The following CDH4 variants were observed in gnomAD, a reference collection of about 807,000 sequenced individuals.
CDH4 encodes cadherin-4.
In CDH4, 33 loss-of-function variants were observed where a neutral mutation model predicts 86.0. The ratio of observed to expected loss-of-function variants is 0.38; its 90% CI spans 0.29 to 0.51. CDH4 has a LOEUF of 0.51. CDH4 is among the 20% of genes least tolerant of loss of function. The pLI is 0.86. For missense variants in CDH4, 1,114 were observed against 1,307.4 expected, an observed-to-expected ratio of 0.85 and a Z score of 2.28; for synonymous variants, 555 against 549.4, an observed-to-expected ratio of 1.01 and a Z score of -0.14.
intron 2 of CDH4, among the ~76,000 whole-genome samples, chr20:61,523,400 C>T (rs532617787): frequency 1.1e-4 from 16 of 152,352 alleles, no homozygotes; most frequent in East Asian, 5.8e-4. Flanking sequence ...GCGTGCTCCT[C>T]GCACGCACAG....
At chr20:61,549,546 A>T (rs1354690785) in intron 2 of CDH4, among the ~76,000 whole-genome samples, 1 of 152,230 alleles carries the variant, frequency 6.6e-6, no homozygotes, top group Non-Finnish European at 1.5e-5. Context: ...CTTTGTGTAC[A>T]AAGTTTTCAG....
chr20:61,819,393 C>T (rs948829733), intron 4 of CDH4, among the ~76,000 whole-genome samples: 5 of 150,992 alleles, frequency 3.3e-5, no homozygotes, highest in African/African-American at 1.2e-4. Context: ...GCCCCGGGAG[C>T]GTTCCATGCA....
chr20:61,368,271 T>G (rs566412060), intron 2 of CDH4, among the ~76,000 whole-genome samples: 5 of 152,322 alleles, frequency 3.3e-5, no homozygotes, highest in African/African-American at 9.6e-5. Flanking sequence ...TTTATGTTCC[T>G]GTGTTGAAAT....
chr20:61,683,558 G>T (rs1045231389), intron 2 of CDH4, among the ~76,000 whole-genome samples: 1 of 152,190 alleles, frequency 6.6e-6, no homozygotes, highest in Non-Finnish European at 1.5e-5. Flanking sequence ...CAAACTGCAC[G>T]CATCTGCTTC....
chr20:61,372,157 C>T (rs890657142), intron 2 of CDH4, among the ~76,000 whole-genome samples: 1 of 152,178 alleles, frequency 6.6e-6, no homozygotes, highest in Non-Finnish European at 1.5e-5. Flanking sequence ...AGCGTGTGAC[C>T]TGTGTGGATG....
At chr20:61,464,047 A>G (rs894119329) in intron 2 of CDH4, among the ~76,000 whole-genome samples, 1 of 152,196 alleles carries the variant, frequency 6.6e-6, no homozygotes, top group Non-Finnish European at 1.5e-5. Flanking sequence ...GTGCATAATA[A>G]TGCAGTCACT....
At chr20:61,865,300 G>T (rs1323476240) in intron 6 of CDH4, among the ~76,000 whole-genome samples, 4 of 152,134 alleles carry the variant, frequency 2.6e-5, no homozygotes, top group Admixed American at 6.5e-5. Context: ...TGACTTCTTG[G>T]AATGGTTTAT....
chr20:61,890,270 G>T (rs114254844), intron 7 of CDH4, among the ~76,000 whole-genome samples: 4,377 of 151,902 alleles, frequency 0.029, 110 homozygotes, highest in African/African-American at 0.073. Context: ...GATAATGGAT[G>T]GGTAAGTAGA....
Position 61,509,139 on chromosome 20 carries a change from C to T in CDH4, c.170-234424C>T, listed in dbSNP as rs575590741. ...GACCCAGGCACAAAGGCCGTGGCAT[C>T]CTGCAGCAGGAGAGCCAGCTGCCTG... On this transcript the variant is annotated intron_variant, in intron 2 of 15. Transcript: ENST00000614565. Among the ~76,000 whole-genome samples the T allele has an allele frequency of 5.9e-5, 9 of 152,226 alleles. No individual in the cohort carries two copies. In the South Asian group the frequency reaches 1.9e-3, roughly 32 times the overall value.
chr20:61,772,462 C>T (rs2088785943), intron 3 of CDH4, among the ~76,000 whole-genome samples: 1 of 151,994 alleles, frequency 6.6e-6, no homozygotes, highest in South Asian at 2.1e-4. Context: ...ATTTGTTTTG[C>T]TGTGAATTAT....
chr20:61,352,880 G>A (rs1017520944), intron 2 of CDH4, among the ~76,000 whole-genome samples: 2 of 152,092 alleles, frequency 1.3e-5, no homozygotes, highest in South Asian at 2.1e-4. Flanking sequence ...GAGACGCTGC[G>A]GACAAGGAGT....
At chr20:61,654,436 TGGGGAG>T (rs1600844067) in intron 2 of CDH4, among the ~76,000 whole-genome samples, 3 of 152,084 alleles carry the variant, frequency 2.0e-5, no homozygotes, top group African/African-American at 2.4e-5. Context: ...AGGGAGACCG[TGGGGAG>T]AGGGAGAGGG....
At chr20:61,733,353 GC>G (rs575868730) in intron 2 of CDH4, among the ~76,000 whole-genome samples, 311 of 152,194 alleles carry the variant, frequency 2.0e-3, no homozygotes, top group Non-Finnish European at 3.8e-3. Context: ...ACTCACAGCC[GC>G]CGCTCCCAGT....
intron 2 of CDH4, among the ~76,000 whole-genome samples, chr20:61,533,475 A>T (rs1478146841): frequency 6.6e-6 from 1 of 152,212 alleles, no homozygotes; most frequent in African/African-American, 2.4e-5. Context: ...CTAGACAGGA[A>T]AGACCCGCGT....
chr20:61,545,456 C>T (rs2086071208), intron 2 of CDH4, among the ~76,000 whole-genome samples: 1 of 152,242 alleles, frequency 6.6e-6, no homozygotes, highest in Non-Finnish European at 1.5e-5. Flanking sequence ...CCCGGCGCTC[C>T]CCAGGCTGCA....
rs147073473 is a variant in CDH4 at position 61,488,405 on chromosome 20, C to T, written c.169+233468C>T. On this transcript the variant is annotated intron_variant, in intron 2 of 15. Transcript: ENST00000614565. ...TCTGTAAACAAATGCTTGGAGTTCA[C>T]ACGGGTCCCCTGTGGAATGATCCTT... Among the ~76,000 whole-genome samples, 230 of 152,296 alleles carry T rather than the reference C, an allele frequency of 1.5e-3. 3 individuals are homozygous for T. The highest frequency in any genetic ancestry group is 5.1e-3 in the African/African-American group (213 of 41,550).
chr20:61,762,067 G>A (rs1184457212), intron 3 of CDH4, among the ~76,000 whole-genome samples: 1 of 152,224 alleles, frequency 6.6e-6, no homozygotes, highest in Non-Finnish European at 1.5e-5. Flanking sequence ...CTCTGCTGTG[G>A]GGATAGGCCA....
At chr20:61,615,794 G>T (rs528137740) in intron 2 of CDH4, among the ~76,000 whole-genome samples, 225 of 152,342 alleles carry the variant, frequency 1.5e-3, no homozygotes, top group African/African-American at 5.2e-3. Context: ...TGCACTTCCG[G>T]ATTTTGGGTG....
chr20:61,528,462 A>AGGAGGGGAAGGGAGGGGAGGGGGG (rs2085928208), intron 2 of CDH4, among the ~76,000 whole-genome samples: 18 of 16,214 alleles, frequency 1.1e-3, no homozygotes, highest in African/African-American at 2.3e-3. Flanking sequence ...GGAGGGGGAG[A>AGGAGGGGAAGGGAGGGGAGGGGGG]GGGAGGGGGA....
Sources: gnomAD v4.1 joint callset for allele counts (sites outside exome capture counted in the v4.1 genomes callset) on GRCh38, gnomAD v4.1.1 for gene constraint, MANE v1.5 for transcripts, NCBI Gene and HGNC (gene_info 2026-07-23, HGNC 2026-07-21) for gene names.